GRIN3B: variants seen among roughly 807,000 people sequenced by gnomAD.
The protein encoded by GRIN3B is glutamate ionotropic receptor NMDA type subunit 3B, also known as glutamate receptor ionotropic, NMDA 3B.
In GRIN3B, 77 loss-of-function variants were observed where a neutral mutation model predicts 66.0. That is an observed-to-expected ratio of 1.17 (90% CI 0.97 to 1.41). The LOEUF is 1.41. Among genes scored for constraint, GRIN3B ranks in the 40% most tolerant of loss-of-function variants. GRIN3B has a pLI of 0.00. For synonymous variants in GRIN3B, 823 were observed against 749.7 expected (o/e 1.10, Z -1.60); for missense variants, 1,787 against 1,564.5 (o/e 1.14, Z -2.40).
At position 1,007,630 on chromosome 19, in the gene GRIN3B, G is replaced by T; in HGVS notation, c.2055G>T (p.Leu685=). ...EELSGIHDPK[L]HHPAQGFRFG... is the part of the protein sequence containing the mutation. ...CGCTGACGGGGTCCCCCGCGCAGCTGCACCACCCGGCGCAGGGCTTCCGCT... is the reference window on the plus strand; with the variant it reads ...CGCTGACGGGGTCCCCCGCGCAGCTTCACCACCCGGCGCAGGGCTTCCGCT... The change falls in exon 4 of 9, where the codon CTG becomes CTT. Residue 685 remains leucine (L), a splice_region_variant and synonymous_variant. Transcript: ENST00000234389. This position sits in a 1 kb window ranked among gnomAD's most constrained non-coding sequence, Gnocchi z 4.4. 6.6e-7 allele frequency: 1 copy of T among 1,506,256 alleles called. No homozygotes were observed. The highest frequency in any genetic ancestry group is 1.3e-5 in the South Asian group (1 of 79,264). 93.3% of individuals were successfully genotyped at this position (1,506,256 alleles called of 1,614,324 possible).
At chr19:1,002,194 T>C (rs933030857) in intron 1 of GRIN3B, 1 of 151,496 alleles carries the variant, frequency 6.6e-6, no homozygotes, top group African/African-American at 2.4e-5. Flanking sequence ...CTGGGCGTGG[T>C]GGTGGGTGCT....
At chr19:1,002,333 C>G (rs1285426046) in intron 1 of GRIN3B, among the ~76,000 whole-genome samples, 1 of 120,640 alleles carries the variant, frequency 8.3e-6, no homozygotes, top group Non-Finnish European at 1.6e-5. Context: ...TCCTGGCTAA[C>G]ATGGTGAAAC....
rs144402697 is a variant in GRIN3B, at chr19:1,004,724, C to A, written c.1223C>A (p.Pro408Gln). 3.1e-4 allele frequency: 493 copies of A among 1,606,650 alleles called. 3 individuals are homozygous for A. The highest frequency in any genetic ancestry group is 2.3e-3 in the Middle Eastern group (14 of 6,048). Residue 408 changes from proline to glutamine, a missense_variant, in exon 3 of 9, where the codon CCA becomes CAA. Physicochemically the swap from Pro to Gln is moderately conservative, Grantham distance 76. Coordinates refer to ENST00000234389, the MANE Select transcript of GRIN3B (RefSeq NM_138690.3). ...PGGASARPPP[P>Q]QGAQVWPKLR... ...GGTGCCTCTGCACGGCCCCCGCCCC[C>A]ACAGGGTGCCCAGGTCTGGCCCAAG...
chr19:1,003,730 G>C lies in GRIN3B; in HGVS notation c.1019+8G>C, dbSNP rs1331265820. On this transcript the variant is annotated splice_region_variant and intron_variant, in intron 2 of 8. Transcript: ENST00000234389. The stretch of plus-strand genomic sequence containing the variant: ...GGGGCGCTTCTTGGCACGGTGAGTG[G>C]GGACCCTGCTTCCCTTAGGAGGGTG... The C allele has an allele frequency of 1.1e-5, 16 of 1,397,958 alleles. No individual in the cohort carries two copies. In the Middle Eastern group the frequency reaches 9.4e-4, roughly 82 times the overall value. 86.6% of individuals were successfully genotyped at this position (1,397,958 alleles called of 1,614,324 possible).
In GRIN3B at chr19:1,008,757, T is replaced by C. The variant is rs1322104654; in HGVS notation, c.2606T>C (p.Leu869Pro). 1.2e-6 allele frequency: 2 copies of C among 1,605,640 alleles called. No individual in the cohort carries two copies. The highest frequency in any genetic ancestry group is 4.5e-5 in the East Asian group (2 of 44,548). Residue 869 changes from leucine to proline, a missense_variant, in exon 7 of 9, where the codon CTG becomes CCG. Coordinates refer to ENST00000234389, the MANE Select transcript of GRIN3B (RefSeq NM_138690.3). The stretch of plus-strand genomic sequence containing the variant: ...CCGCGCATCCGCAAGGGGAGCAGGC[T>C]GCAGTACTGGCTGCACACCAGCCAG... Reference protein sequence around the residue: ...ALPRIRKGSRLQYWLHTSQKI... With the variant: ...ALPRIRKGSRPQYWLHTSQKI...
rs768898553 is a variant in GRIN3B, at chr19:1,005,504, T to C, written c.2003T>C (p.Met668Thr). 5 of 1,612,940 alleles carry C rather than the reference T, an allele frequency of 3.1e-6. No homozygotes were observed. The Admixed American group carries it at 5.0e-5, about 16-fold the overall frequency. Residue 668 changes from methionine to threonine, a missense_variant, in exon 3 of 9, where the codon ATG (methionine) becomes ACG (threonine). Physicochemically the swap from Met to Thr is moderately conservative, Grantham distance 81 (BLOSUM62 -1). Transcript: ENST00000234389. This position sits in a 1 kb window ranked among gnomAD's most constrained non-coding sequence, Gnocchi z 5.2. ...TACACGGCCAACCTGGCTGCCGTCA[T>C]GGTCGGGGACAAGACCTTCGAGGAG... ...SSYTANLAAV[M>T]VGDKTFEELS...
In GRIN3B at chr19:1,000,529, C is replaced by G; in HGVS notation, c.92C>G (p.Ala31Gly). 1 of 1,173,946 alleles carries G rather than the reference C, an allele frequency of 8.5e-7. No homozygotes were observed. The highest frequency in any genetic ancestry group is 1.1e-6 in the Non-Finnish European group (1 of 950,828). The allele number at this position is 1,173,946 out of a possible 1,614,324, so 72.7% of individuals were successfully genotyped here. A position where few individuals can be genotyped will look rare whatever the true frequency, so the allele number is the denominator to read the frequency against. Residue 31 changes from alanine (A) to glycine (G), a missense_variant, in exon 1 of 9, where the codon GCG (alanine) becomes GGG (glycine). Ala to Gly is a moderately conservative substitution (Grantham distance 60). Coordinates refer to ENST00000234389, the MANE Select transcript of GRIN3B (RefSeq NM_138690.3). ...CACCCTCAGCCGTGCGGCGTCCTGGCGCGCCTCGGGGGCTCCGTGCGCCTG... is the reference window on the plus strand; with the variant it reads ...CACCCTCAGCCGTGCGGCGTCCTGGGGCGCCTCGGGGGCTCCGTGCGCCTG... ...GGHPQPCGVL[A>G]RLGGSVRLGA... is the part of the protein sequence containing the mutation.
At chr19:1,001,232 G>A (rs2038681579) in intron 1 of GRIN3B, among the ~76,000 whole-genome samples, 1 of 151,866 alleles carries the variant, frequency 6.6e-6, no homozygotes, top group Admixed American at 6.6e-5. Context: ...CCCTTCCCTG[G>A]TCCCTGGGAC....
chr19:1,004,397 T>C, intron 2 of GRIN3B, 124 bp from the exon 3 acceptor site: 1 of 821,700 alleles, frequency 1.2e-6, no homozygotes, highest in East Asian at 2.7e-5. Context: ...ACCAGGAGCG[T>C]CCACGTTTGT....
chr19:1,008,847 G>T lies in GRIN3B; in HGVS notation c.2632-10G>T. On this transcript the variant is annotated splice_polypyrimidine_tract_variant and intron_variant, in intron 7 of 8. Coordinates refer to ENST00000234389, the MANE Select transcript of GRIN3B (RefSeq NM_138690.3). ...GCCTCCTCGCCAACCGGGTCTGTCT[G>T]GGGTCTTAGAAAATCCACCGCGCCC... 1 of 1,605,402 alleles carries T rather than the reference G, an allele frequency of 6.2e-7. No individual in the cohort carries two copies. Among genetic ancestry groups the T allele is most frequent in the Non-Finnish European group, 8.5e-7 (1 of 1,176,248 alleles).
rs778333616 is a variant in GRIN3B, at chr19:1,004,630, C to A, written c.1129C>A (p.Pro377Thr). Residue 377 changes from proline (P) to threonine (T), a missense_variant, in exon 3 of 9, where the codon CCA becomes ACA. Transcript: ENST00000234389. ...HFKVWSLRRD[P>T]RGAPAWATVG... ...TAAGGTGTGGAGCCTTCGCCGGGACCCACGGGGCGCCCCGGCCTGGGCCAC... is the reference window on the plus strand; with the variant it reads ...TAAGGTGTGGAGCCTTCGCCGGGACACACGGGGCGCCCCGGCCTGGGCCAC... 4 of 1,601,732 alleles carry A rather than the reference C, an allele frequency of 2.5e-6. No homozygotes were observed. In the Admixed American group the frequency reaches 6.8e-5, roughly 27 times the overall value.
Position 1,003,347 on chromosome 19 carries a change from T to C in GRIN3B, c.644T>C (p.Leu215Pro), listed in dbSNP as rs747229196. The C allele has an allele frequency of 7.6e-6, 12 of 1,580,064 alleles. No individual in the cohort carries two copies. The East Asian group carries it at 2.5e-4, about 33-fold the overall frequency. Residue 215 changes from leucine (L) to proline (P), a missense_variant, in exon 2 of 9, where the codon CTG becomes CCG. Physicochemically the swap from Leu to Pro is moderately conservative, Grantham distance 98. Transcript: ENST00000234389. ...LSRRDTGDAG[L>P]RARLAPMAAP... ...CGGCGGGACACGGGAGATGCAGGAC[T>C]GCGGGCACGCCTGGCCCCGATGGCG... is the stretch of plus-strand genomic sequence containing the variant.
At position 1,000,580 on chromosome 19, in the gene GRIN3B, T is replaced by C; in HGVS notation, c.143T>C (p.Leu48Pro). ...RLGALLPRAP[L>P]ARARARAALA... ...GGCGCCCTCCTGCCCCGCGCGCCTC[T>C]CGCCCGCGCCCGCGCCCGCGCCGCC... The change falls in exon 1 of 9, where the codon CTC becomes CCC. Residue 48 changes from leucine to proline, a missense_variant. By Grantham distance (98) the Leu-to-Pro change is moderately conservative. Transcript: ENST00000234389. 2 of 1,027,848 alleles carry C rather than the reference T, an allele frequency of 1.9e-6. No homozygotes were observed. The highest frequency in any genetic ancestry group is 2.3e-6 in the Non-Finnish European group (2 of 861,236). The allele number at this position is 1,027,848 out of a possible 1,614,324, so 63.7% of individuals were successfully genotyped here.
rs545736648 is a variant in GRIN3B at position 1,007,861 on chromosome 19, AC to A, written c.2211del (p.Lys738SerfsTer25). The A allele has an allele frequency of 1.5e-5, 23 of 1,515,390 alleles. No homozygotes were observed. The East Asian group carries it at 4.3e-4, about 28-fold the overall frequency. The allele number at this position is 1,515,390 out of a possible 1,614,324, so 93.9% of individuals were successfully genotyped here. On this transcript the variant is annotated frameshift_variant, in exon 5 of 9. Coordinates refer to ENST00000234389, the MANE Select transcript of GRIN3B (RefSeq NM_138690.3). LOFTEE classifies it high-confidence loss of function. The surrounding 1 kb of genome is among the most constrained non-coding windows in gnomAD (Gnocchi z 4.4). ...TPRGVAMLTS[D>X]PPKLNAFIMD... ...CCCGCCCCCGGCCCCAGCAGGAGCGACCCCCCCAAGCTCAACGCCTTCATCA... is the reference window on the plus strand; with the variant it reads ...CCCGCCCCCGGCCCCAGCAGGAGCGACCCCCCAAGCTCAACGCCTTCATCA...
chr19:1,003,581 T>G lies in GRIN3B; in HGVS notation c.878T>G (p.Ile293Ser). Residue 293 changes from isoleucine to serine, a missense_variant, in exon 2 of 9, where the codon ATC becomes AGC. Physicochemically the swap from Ile to Ser is moderately radical, Grantham distance 142. Coordinates refer to ENST00000234389, the MANE Select transcript of GRIN3B (RefSeq NM_138690.3). The stretch of plus-strand genomic sequence containing the variant: ...GCACGACCCCCGCTGGAGGCCGCCA[T>G]CCATGACATTGTGCAACTGGTGGCC... ...EVARPPLEAAIHDIVQLVARA... is the reference protein window; with the variant it reads ...EVARPPLEAASHDIVQLVARA... 1.3e-6 allele frequency: 2 copies of G among 1,485,788 alleles called. No homozygotes were observed. Among genetic ancestry groups the G allele is most frequent in the Non-Finnish European group, 1.8e-6 (2 of 1,123,658 alleles). The allele number at this position is 1,485,788 out of a possible 1,614,324, so 92.0% of individuals were successfully genotyped here.
intron 6 of GRIN3B, among the ~76,000 whole-genome samples, 162 bp downstream of exon 6, chr19:1,008,453 C>T (rs900174066): frequency 2.0e-5 from 3 of 152,172 alleles, no homozygotes; most frequent in African/African-American, 7.2e-5. Context: ...AGTGCCCCTT[C>T]CTCCATGAAA....
At position 1,007,846 on chromosome 19, in the gene GRIN3B, GCCCCAGCAGGAGCGACCCC is replaced by G. The variant is rs1219113136; in HGVS notation, c.2199-6_2211del. 38 of 1,599,342 alleles carry G rather than the reference GCCCCAGCAGGAGCGACCCC, an allele frequency of 2.4e-5. No individual in the cohort carries two copies. The highest frequency in any genetic ancestry group is 2.5e-5 in the Non-Finnish European group (29 of 1,171,744). ...GGGCGATGGCTGACCCCCGCCCCCG[GCCCCAGCAGGAGCGACCCC>G]CCCAAGCTCAACGCCTTCATCATGG... is the stretch of plus-strand genomic sequence containing the variant. On this transcript the variant is annotated splice_acceptor_variant and splice_polypyrimidine_tract_variant and coding_sequence_variant and intron_variant, in exon 5 of 9. Coordinates refer to ENST00000234389, the MANE Select transcript of GRIN3B (RefSeq NM_138690.3). LOFTEE classifies it high-confidence loss of function. This position sits in a 1 kb window ranked among gnomAD's most constrained non-coding sequence, Gnocchi z 4.4.
Position 1,009,456 on chromosome 19 carries a change from C to G in GRIN3B, c.2986C>G (p.Arg996Gly). The G allele has an allele frequency of 6.8e-7, 1 of 1,475,038 alleles. No individual in the cohort carries two copies. Among genetic ancestry groups the G allele is most frequent in the Non-Finnish European group, 8.9e-7 (1 of 1,119,516 alleles). 91.4% of individuals were successfully genotyped at this position (1,475,038 alleles called of 1,614,324 possible). Residue 996 changes from arginine to glycine, a missense_variant, in exon 9 of 9, where the codon CGG (arginine) becomes GGG (glycine). By Grantham distance (125) the Arg-to-Gly change is moderately radical (BLOSUM62 -2). Coordinates refer to ENST00000234389, the MANE Select transcript of GRIN3B (RefSeq NM_138690.3). ...GCGCCGCATCGAAGTCGCGCGTGAGCGGCTCCGCCAGGCCCTGGTGCGGCG... is the reference window on the plus strand; with the variant it reads ...GCGCCGCATCGAAGTCGCGCGTGAGGGGCTCCGCCAGGCCCTGGTGCGGCG... ...LERRIEVARERLRQALVRRGQ... is the reference protein window; with the variant it reads ...LERRIEVAREGLRQALVRRGQ...
Position 1,004,543 on chromosome 19 carries a change from C to G in GRIN3B, c.1042C>G (p.Gln348Glu). Residue 348 changes from glutamine to glutamate, a missense_variant, in exon 3 of 9, where the codon CAG (glutamine) becomes GAG (glutamate). By Grantham distance (29) the Gln-to-Glu change is conservative. Transcript: ENST00000234389. ...TAGGTTCCTGGCCAACACGTCCTTCCAGGGCCGCACGGGCCCCGTGTGGGT... is the reference window on the plus strand; with the variant it reads ...TAGGTTCCTGGCCAACACGTCCTTCGAGGGCCGCACGGGCCCCGTGTGGGT... ...LARFLANTSFQGRTGPVWVTG... is the reference protein window; with the variant it reads ...LARFLANTSFEGRTGPVWVTG... 1 of 1,604,064 alleles carries G rather than the reference C, an allele frequency of 6.2e-7. No individual in the cohort carries two copies. The highest frequency in any genetic ancestry group is 8.5e-7 in the Non-Finnish European group (1 of 1,175,974).
Sources: gnomAD v4.1 joint callset for allele counts (sites outside exome capture counted in the v4.1 genomes callset) on GRCh38, gnomAD v4.1.1 for gene constraint, Gnocchi (gnomAD v3.1) non-coding constraint, MANE v1.5 for transcripts, NCBI Gene and HGNC (gene_info 2026-07-23, HGNC 2026-07-21) for gene names.